GARNL3: variants seen among roughly 807,000 people sequenced by gnomAD.
GARNL3 encodes the protein GTPase-activating Rap/Ran-GAP domain-like protein 3.
GARNL3 carries 63 observed loss-of-function variants against 125.0 expected under a neutral mutation model. The observed-to-expected ratio is 0.50, with a 90% CI of 0.41 to 0.62. The LOEUF (loss-of-function observed/expected upper bound fraction) is 0.62, where lower values mean the gene tolerates loss of function less well. Among genes scored for constraint, GARNL3 ranks in the 20% least tolerant of loss-of-function variants. GARNL3 has a pLI of 0.00. For synonymous variants in GARNL3, 439 were observed against 457.5 expected (o/e 0.96, Z 0.52); for missense variants, 994 against 1,244.0 (o/e 0.80, Z 3.02).
intron 6 of GARNL3, among the ~76,000 whole-genome samples, chr9:127,322,778 A>G (rs1169358614): frequency 1.3e-5 from 2 of 152,246 alleles, no homozygotes; most frequent in Non-Finnish European, 2.9e-5. Context: ...ATCTTTCCAC[A>G]AAGAGGGAAG....
At chr9:127,345,365 C>T (rs1167020325) in intron 15 of GARNL3, 38 bp from the exon 16 acceptor site, 5 of 1,314,256 alleles carry the variant, frequency 3.8e-6, no homozygotes, top group Non-Finnish European at 4.2e-6. Flanking sequence ...GTACTTTTGC[C>T]GCCTAGTAAA....
rs760296394 is a variant in GARNL3, at chr9:127,342,185, C to T, written c.1136-34C>T. 1.1e-5 allele frequency: 14 copies of T among 1,225,880 alleles called. No homozygotes were observed. The South Asian group carries it at 1.6e-4, about 14-fold the overall frequency. The allele number at this position is 1,225,880 out of a possible 1,614,324, so 75.9% of individuals were successfully genotyped here. On this transcript the variant is annotated intron_variant, in intron 13 of 27. Transcript: ENST00000373387. The stretch of plus-strand genomic sequence containing the variant: ...TTCTTGTGTGTGTGTCAAGAGATAT[C>T]TTGTAATTCCCTTTTTAACTTGATT...
At chr9:127,317,278 G>A (rs574496380) in intron 4 of GARNL3, among the ~76,000 whole-genome samples, 5 of 152,320 alleles carry the variant, frequency 3.3e-5, no homozygotes, top group Admixed American at 2.6e-4. Context: ...ACAGATAAAT[G>A]TAAAAGTGTG....
chr9:127,346,570 T>C (rs998989653), intron 16 of GARNL3, among the ~76,000 whole-genome samples: 7 of 152,206 alleles, frequency 4.6e-5, no homozygotes, highest in African/African-American at 1.7e-4. Flanking sequence ...TAAGATTTAA[T>C]AATGATAAGA....
In GARNL3 at chr9:127,364,673, CTT is replaced by C. The variant is rs1276903882; in HGVS notation, c.2095-626_2095-625del. 2 of 152,270 alleles carry C rather than the reference CTT, an allele frequency of 1.3e-5. No individual in the cohort carries two copies. Among genetic ancestry groups the C allele is most frequent in the African/African-American group, 4.8e-5 (2 of 41,416 alleles). The allele number at this position is 152,270 out of a possible 1,614,324, so 9.4% of individuals were successfully genotyped here. A position where few individuals can be genotyped will look rare whatever the true frequency, so the allele number is the denominator to read the frequency against. ...CTTTTCATTGCACCATGCTGCCTCT[CTT>C]GACATGAAGAACAGAGAAAGAATAA... On this transcript the variant is annotated intron_variant, in intron 21 of 27. Coordinates refer to ENST00000373387, the MANE Select transcript of GARNL3 (RefSeq NM_032293.5). The surrounding 1 kb of genome is among the most constrained non-coding windows in gnomAD (Gnocchi z 4.2).
chr9:127,281,071 C>A (rs540588645), intron 1 of GARNL3, among the ~76,000 whole-genome samples: 1 of 152,228 alleles, frequency 6.6e-6, no homozygotes, highest in Admixed American at 6.5e-5. Context: ...AGTGACTTGA[C>A]TTGGTGGCAC....
At position 127,264,960 on chromosome 9, in the gene GARNL3, C is replaced by T. The variant is rs764762853; in HGVS notation, c.83C>T (p.Ser28Leu). 8.7e-6 allele frequency: 14 copies of T among 1,613,116 alleles called. No homozygotes were observed. Among genetic ancestry groups the T allele is most frequent in the East Asian group, 2.2e-5 (1 of 44,840 alleles). The change falls in exon 1 of 28, where the codon TCG (serine) becomes TTG (leucine). Residue 28 changes from serine to leucine, a missense_variant. By Grantham distance (145) the Ser-to-Leu change is moderately radical (BLOSUM62 -2). This residue lies in a region of GARNL3 where 37 missense variants were observed against 34.2 expected (regional missense o/e 1.08). Transcript: ENST00000373387. ...AAGCATTTTTGTTCCAGCTCTGTCTCGGAAGACCTAGGCTGTAGACGTGGG... is the reference window on the plus strand; with the variant it reads ...AAGCATTTTTGTTCCAGCTCTGTCTTGGAAGACCTAGGCTGTAGACGTGGG... ...LMKHFCSSSV[S>L]EDLGCRRGDF... is the part of the protein sequence containing the mutation.
chr9:127,338,204 G>A, intron 12 of GARNL3, 43 bp downstream of exon 12: 3 of 1,421,996 alleles, frequency 2.1e-6, no homozygotes, highest in South Asian at 1.2e-5. Context: ...TAATTCTCAT[G>A]CTTGTTAATT....
At chr9:127,290,897 G>A (rs2064393994) in intron 1 of GARNL3, among the ~76,000 whole-genome samples, 1 of 152,154 alleles carries the variant, frequency 6.6e-6, no homozygotes, top group African/African-American at 2.4e-5. Flanking sequence ...TGTTTTTGCT[G>A]GGAGCATCAG....
At chr9:127,359,629 C>G (rs2131693516) in intron 21 of GARNL3, among the ~76,000 whole-genome samples, 1 of 152,326 alleles carries the variant, frequency 6.6e-6, no homozygotes, top group African/African-American at 2.4e-5. Context: ...ACTTAGCCAG[C>G]TTTTGCTAGT....
intron 21 of GARNL3, among the ~76,000 whole-genome samples, chr9:127,360,796 A>G (rs1429594403): frequency 6.6e-6 from 1 of 152,176 alleles, no homozygotes; most frequent in Non-Finnish European, 1.5e-5. Flanking sequence ...AGCCAGGACC[A>G]CTTGATACCT....
Position 127,389,089 on chromosome 9 carries a change from A to G in GARNL3, c.2713A>G (p.Ile905Val), listed in dbSNP as rs1277589791. Reference protein sequence around the residue: ...LSLSRMEIKEIASRTRRELLG... With the variant: ...LSLSRMEIKEVASRTRRELLG... ...CCTGTCTCGCATGGAGATCAAAGAA[A>G]TAGCAAGCAGGACCCGCAGGGAACT... The change falls in exon 26 of 28, where the codon ATA becomes GTA. Residue 905 changes from isoleucine (I) to valine (V), a missense_variant. Around this residue, in one of 5 missense-constraint regions of GARNL3, gnomAD observed 728 missense variants for 865.7 expected, o/e 0.84. Transcript: ENST00000373387. 3.7e-6 allele frequency: 6 copies of G among 1,614,174 alleles called. No individual in the cohort carries two copies. The highest frequency in any genetic ancestry group is 3.4e-6 in the Non-Finnish European group (4 of 1,180,012).
chr9:127,393,045 C>G, intron 27 of GARNL3, 38 bp from the exon 28 acceptor site: 6 of 1,529,166 alleles, frequency 3.9e-6, no homozygotes, highest in Non-Finnish European at 5.4e-6. Flanking sequence ...TTCTGTGGTA[C>G]TCCCAAAGAT....
chr9:127,367,041 C>T (rs1337195697), intron 22 of GARNL3: 1 of 152,210 alleles, frequency 6.6e-6, no homozygotes, highest in Non-Finnish European at 1.5e-5. Flanking sequence ...GTTCCCATAG[C>T]TTCAGTCTTC....
At chr9:127,382,497 A>G (rs1832318724) in intron 22 of GARNL3, among the ~76,000 whole-genome samples, 3 of 151,982 alleles carry the variant, frequency 2.0e-5, no homozygotes, top group Admixed American at 2.0e-4. Context: ...CTGTAGCCCC[A>G]GCTACTGGGG....
intron 4 of GARNL3, among the ~76,000 whole-genome samples, chr9:127,317,418 T>C (rs1588842234): frequency 1.3e-5 from 2 of 152,354 alleles, no homozygotes; most frequent in South Asian, 4.1e-4. Context: ...GCTTATTTGA[T>C]GCTTGGCTCA....
At chr9:127,275,283 G>A (rs2063925415) in intron 1 of GARNL3, among the ~76,000 whole-genome samples, 1 of 152,198 alleles carries the variant, frequency 6.6e-6, no homozygotes, top group Admixed American at 6.5e-5. Context: ...TGTTAAAGAT[G>A]AAGAGGAATT....
At chr9:127,336,331 T>A in intron 11 of GARNL3, 95 bp downstream of exon 11, 1 of 750,992 alleles carries the variant, frequency 1.3e-6, no homozygotes, top group Admixed American at 2.6e-5. Context: ...GTCATGGACT[T>A]GTTTTGTAAT....
intron 2 of GARNL3, among the ~76,000 whole-genome samples, chr9:127,298,358 T>C (rs1297667966): frequency 6.6e-6 from 1 of 151,902 alleles, no homozygotes; most frequent in Non-Finnish European, 1.5e-5. Context: ...TTTGTATTTT[T>C]AGTAGAGACG....
Sources: gnomAD v4.1 joint callset for allele counts (sites outside exome capture counted in the v4.1 genomes callset) on GRCh38, gnomAD v4.1.1 for gene constraint, gnomAD v4.1.1 regional missense constraint, Gnocchi (gnomAD v3.1) non-coding constraint, MANE v1.5 for transcripts, NCBI Gene and HGNC (gene_info 2026-07-23, HGNC 2026-07-21) for gene names.